Variants in MANBA observed in about 807,000 individuals in gnomAD.
The protein encoded by MANBA is beta-mannosidase.
Under a neutral mutation model 111.1 loss-of-function variants are expected in MANBA, and 83 were observed. The observed-to-expected ratio is 0.75, with a 90% CI of 0.63 to 0.90. MANBA has a LOEUF of 0.90. MANBA is among the 40% of genes least tolerant of loss of function. MANBA has a pLI of 0.00. For missense variants in MANBA, 1,036 were observed against 1,069.0 expected (o/e 0.97, Z 0.43); for synonymous variants, 370 against 378.7 (o/e 0.98, Z 0.27).
chr4:102,638,030 G>A (rs1729706067), intron 14 of MANBA, among the ~76,000 whole-genome samples: 1 of 152,252 alleles, frequency 6.6e-6, no homozygotes, highest in African/African-American at 2.4e-5. Flanking sequence ...GGTGTCCACT[G>A]CAGAAGTGAT....
chr4:102,727,836 C>G, intron 1 of MANBA: 1 of 610,486 alleles, frequency 1.6e-6, no homozygotes, highest in South Asian at 1.7e-5. Context: ...AAAGGATTTT[C>G]CTGAAGACTC....
At chr4:102,681,770 C>A (rs937516477) in intron 7 of MANBA, among the ~76,000 whole-genome samples, 3 of 152,158 alleles carry the variant, frequency 2.0e-5, no homozygotes, top group Non-Finnish European at 4.4e-5. Context: ...CAAGCTCATA[C>A]AATTCCAAAC....
intron 8 of MANBA, among the ~76,000 whole-genome samples, chr4:102,671,729 C>T (rs1731508176): frequency 1.3e-5 from 2 of 152,160 alleles, no homozygotes; most frequent in South Asian, 2.1e-4. Flanking sequence ...TTTATACAAA[C>T]CCTCCAAACT....
chr4:102,730,804 T>C (rs1489679035), intron 1 of MANBA: 2 of 429,822 alleles, frequency 4.7e-6, no homozygotes, highest in Admixed American at 2.8e-5. Flanking sequence ...AATTTCCTTA[T>C]ACTTTGTCCT....
intron 1 of MANBA, chr4:102,729,481 T>G (rs1296618438): frequency 3.3e-5 from 38 of 1,137,566 alleles, no homozygotes; most frequent in Non-Finnish European, 4.6e-5. Context: ...CTCCTGGATC[T>G]CCTCTTCATA....
At chr4:102,704,107 C>A (rs28845008) in intron 5 of MANBA, among the ~76,000 whole-genome samples, 9,968 of 150,940 alleles carry the variant, frequency 0.066, 915 homozygotes, top group African/African-American at 0.21. Context: ...AAAAAAAAAA[C>A]CAAAAAATTT....
intron 8 of MANBA, among the ~76,000 whole-genome samples, chr4:102,673,114 C>T (rs555109357): frequency 8.3e-4 from 127 of 152,136 alleles, no homozygotes; most frequent in African/African-American, 2.9e-3. Flanking sequence ...CCAGTTTCCT[C>T]CCCACCCTCC....
chr4:102,671,449 T>G, intron 8 of MANBA, 51 bp from the exon 9 acceptor site: 1 of 1,059,130 alleles, frequency 9.4e-7, no homozygotes, highest in African/African-American at 1.6e-5. Flanking sequence ...AAAAAACAGA[T>G]TGTGACAGAT....
At chr4:102,696,652 GA>G (rs1397354404) in intron 5 of MANBA, among the ~76,000 whole-genome samples, 1 of 152,156 alleles carries the variant, frequency 6.6e-6, no homozygotes, top group African/African-American at 2.4e-5. Context: ...ACTGGTAGAT[GA>G]AAAAGATGCT....
chr4:102,644,396 A>G (rs1378915386), intron 13 of MANBA, among the ~76,000 whole-genome samples: 4 of 152,162 alleles, frequency 2.6e-5, no homozygotes, highest in Non-Finnish European at 5.9e-5. Flanking sequence ...ATGAGTACAT[A>G]AAGAAAATGT....
At chr4:102,703,446 T>C (rs1399767421) in intron 5 of MANBA, among the ~76,000 whole-genome samples, 1 of 152,222 alleles carries the variant, frequency 6.6e-6, no homozygotes, top group Non-Finnish European at 1.5e-5. Flanking sequence ...GACCCCTTCT[T>C]GCCTGGGGAC....
chr4:102,733,533 A>T (rs1272704280), intron 1 of MANBA, among the ~76,000 whole-genome samples: 1 of 151,822 alleles, frequency 6.6e-6, no homozygotes, highest in Admixed American at 6.6e-5. Flanking sequence ...TTTTATTTTT[A>T]TTTTTTTGTA....
At chr4:102,719,677 T>G (rs761363295) in intron 4 of MANBA, among the ~76,000 whole-genome samples, 3 of 152,226 alleles carry the variant, frequency 2.0e-5, no homozygotes, top group Non-Finnish European at 4.4e-5. Flanking sequence ...CTTTACAACA[T>G]GCAAAGTGCA....
At chr4:102,734,235 T>A in intron 1 of MANBA, 1 of 897,660 alleles carries the variant, frequency 1.1e-6, no homozygotes, top group Non-Finnish European at 1.7e-6. Flanking sequence ...CTCTGTACTT[T>A]CTGTTCAATT....
chr4:102,730,876 G>A (rs947714244), intron 1 of MANBA, among the ~76,000 whole-genome samples: 2 of 151,984 alleles, frequency 1.3e-5, no homozygotes, highest in African/African-American at 4.8e-5. Flanking sequence ...CCCGCTTCCC[G>A]TCAGCTCTAA....
At position 102,760,937 on chromosome 4, in the gene MANBA, A is replaced by C. The variant is rs772803127; in HGVS notation, c.-43T>G. The C allele has an allele frequency of 3.3e-6, 5 of 1,528,270 alleles. No individual in the cohort carries two copies. Among genetic ancestry groups the C allele is most frequent in the Non-Finnish European group, 4.4e-6 (5 of 1,138,042 alleles). The allele number at this position is 1,528,270 out of a possible 1,614,324, so 94.7% of individuals were successfully genotyped here. A position where few individuals can be genotyped will look rare whatever the true frequency, so the allele number is the denominator to read the frequency against. ...CCGAGATGTGGAGAGATCGAAAGGC[A>C]GCGCTGCAAGGGACCGGCGGTGAAG... On this transcript the variant is annotated 5_prime_UTR_variant, in exon 1 of 17. Coordinates refer to ENST00000647097, the MANE Select transcript of MANBA (RefSeq NM_005908.4).
chr4:102,751,779 T>C (rs1723809870), intron 1 of MANBA: 2 of 524,292 alleles, frequency 3.8e-6, no homozygotes, highest in East Asian at 5.4e-5. Context: ...AATCCGGTCC[T>C]TGGAAAGAAA....
At chr4:102,691,668 C>A (rs1044899237) in intron 5 of MANBA, among the ~76,000 whole-genome samples, 5 of 151,920 alleles carry the variant, frequency 3.3e-5, no homozygotes, top group African/African-American at 1.2e-4. Flanking sequence ...ACTCACCTAG[C>A]TAATTTTCTT....
intron 1 of MANBA, among the ~76,000 whole-genome samples, chr4:102,738,675 G>A (rs1723301378): frequency 6.6e-6 from 1 of 152,160 alleles, no homozygotes; most frequent in Non-Finnish European, 1.5e-5. Flanking sequence ...AGTAATTCTG[G>A]TAATATGACA....
Sources: gnomAD v4.1 joint callset for allele counts (sites outside exome capture counted in the v4.1 genomes callset) on GRCh38, gnomAD v4.1.1 for gene constraint, MANE v1.5 for transcripts, NCBI Gene and HGNC (gene_info 2026-07-23, HGNC 2026-07-21) for gene names.